GRM7: variants seen among roughly 807,000 people sequenced by gnomAD.
The protein encoded by GRM7 is metabotropic glutamate receptor 7.
In GRM7, 35 loss-of-function variants were observed where a neutral mutation model predicts 84.5. The ratio of observed to expected loss-of-function variants is 0.41; its 90% CI spans 0.32 to 0.55. The LOEUF (loss-of-function observed/expected upper bound fraction) is 0.55, where lower values mean the gene tolerates loss of function less well. GRM7 is among the 20% of genes least tolerant of loss of function. The pLI is 0.19. For missense variants in GRM7, 1,003 were observed against 1,194.6 expected (o/e 0.84, Z 2.36); for synonymous variants, 487 against 455.1 (o/e 1.07, Z -0.89).
intron 8 of GRM7, among the ~76,000 whole-genome samples, chr3:7,641,729 T>A (rs1174862930): frequency 6.6e-6 from 1 of 152,124 alleles, no homozygotes; most frequent in African/African-American, 2.4e-5. Flanking sequence ...TGTGACTACA[T>A]AACAACATGA....
chr3:7,250,712 C>T (rs546092855), intron 2 of GRM7, among the ~76,000 whole-genome samples: 7 of 152,096 alleles, frequency 4.6e-5, no homozygotes, highest in Middle Eastern at 3.4e-3. Context: ...TTAGTAGAGA[C>T]GGGGCTTTGC....
chr3:7,400,442 C>T (rs1467976439), intron 4 of GRM7, among the ~76,000 whole-genome samples: 1 of 152,164 alleles, frequency 6.6e-6, no homozygotes, highest in Non-Finnish European at 1.5e-5. Context: ...ATACGGCAGA[C>T]CCTCTACAAT....
At chr3:6,970,072 G>T (rs995892397) in intron 1 of GRM7, among the ~76,000 whole-genome samples, 1 of 152,140 alleles carries the variant, frequency 6.6e-6, no homozygotes, top group Non-Finnish European at 1.5e-5. Flanking sequence ...GGGCCAGAGG[G>T]TACATCTTTT....
At chr3:7,328,637 A>T (rs1437323164) in intron 4 of GRM7, among the ~76,000 whole-genome samples, 1 of 152,194 alleles carries the variant, frequency 6.6e-6, no homozygotes, top group Non-Finnish European at 1.5e-5. Flanking sequence ...CCTCAGTGCC[A>T]GCCCTAGACT....
intron 2 of GRM7, among the ~76,000 whole-genome samples, chr3:7,268,875 T>A (rs1698744636): frequency 1.3e-5 from 2 of 152,226 alleles, no homozygotes; most frequent in African/African-American, 4.8e-5. Context: ...TGGTTTGATT[T>A]GGTGGACCGA....
intron 2 of GRM7, among the ~76,000 whole-genome samples, chr3:7,223,100 T>C (rs1356482041): frequency 6.6e-6 from 1 of 152,158 alleles, no homozygotes; most frequent in African/African-American, 2.4e-5. Flanking sequence ...TTGACTAACT[T>C]ATATATAGGT....
intron 4 of GRM7, among the ~76,000 whole-genome samples, chr3:7,348,140 C>T (rs774673615): frequency 5.9e-5 from 9 of 152,108 alleles, no homozygotes; most frequent in African/African-American, 7.2e-5. Context: ...TGACTTTTAT[C>T]GGCCTAGGTC....
At chr3:7,520,837 C>T (rs1700567700) in intron 7 of GRM7, among the ~76,000 whole-genome samples, 1 of 152,178 alleles carries the variant, frequency 6.6e-6, no homozygotes, top group African/African-American at 2.4e-5. Flanking sequence ...TCTGTCAGCT[C>T]ATACATAGTA....
At chr3:7,490,365 G>T (rs1226179824) in intron 7 of GRM7, among the ~76,000 whole-genome samples, 2 of 152,056 alleles carry the variant, frequency 1.3e-5, no homozygotes, top group Non-Finnish European at 2.9e-5. Flanking sequence ...AACTGAAGAG[G>T]CACACATTAT....
intron 7 of GRM7, among the ~76,000 whole-genome samples, chr3:7,573,236 T>C (rs1694797675): frequency 1.3e-5 from 2 of 150,212 alleles, no homozygotes; most frequent in South Asian, 4.3e-4. Context: ...AAATGTATTT[T>C]AATGAACAAA....
In GRM7 at chr3:6,861,649, C is replaced by G; in HGVS notation, c.261C>G (p.Asp87Glu). The G allele has an allele frequency of 1.2e-6, 2 of 1,613,892 alleles. No homozygotes were observed. The highest frequency in any genetic ancestry group is 8.5e-7 in the Non-Finnish European group (1 of 1,179,958). Residue 87 changes from aspartate (D) to glutamate (E), a missense_variant, in exon 1 of 10, where the codon GAC becomes GAG. This residue lies in a region of GRM7 where 910 missense variants were observed against 1,126.0 expected (regional missense o/e 0.81). Coordinates refer to ENST00000357716, the MANE Select transcript of GRM7 (RefSeq NM_000844.4). This position sits in a 1 kb window ranked among gnomAD's most constrained non-coding sequence, Gnocchi z 6.4. ...TGGAAGCGATGCTCTACGCCCTGGA[C>G]CAGATCAACAGTGATCCCAACCTAC... The part of the protein sequence containing the change: ...HRLEAMLYAL[D>E]QINSDPNLLP...
intron 6 of GRM7, among the ~76,000 whole-genome samples, chr3:7,454,090 A>ACACACACTCTCTCT (rs1365192243): frequency 1.4e-5 from 2 of 140,208 alleles, no homozygotes; most frequent in African/African-American, 5.6e-5. Context: ...CTACACACAC[A>ACACACACTCTCTCT]CTCTCTCTCT....
chr3:6,944,348 C>T (rs1054496601), intron 1 of GRM7, among the ~76,000 whole-genome samples: 4 of 151,962 alleles, frequency 2.6e-5, no homozygotes, highest in Non-Finnish European at 5.9e-5. Flanking sequence ...TGAGGAAGTT[C>T]CCCTTTTCTC....
At chr3:7,710,558 T>C (rs1393232122) in intron 9 of GRM7, among the ~76,000 whole-genome samples, 3 of 152,082 alleles carry the variant, frequency 2.0e-5, no homozygotes, top group African/African-American at 7.2e-5. Context: ...AATCTGAGGC[T>C]CCACTGAGTA....
chr3:7,659,971 A>G (rs2125122154), intron 8 of GRM7, among the ~76,000 whole-genome samples: 1 of 152,344 alleles, frequency 6.6e-6, no homozygotes, highest in South Asian at 2.1e-4. Flanking sequence ...TTAGGGAAGT[A>G]GTAGCATCTG....
chr3:7,460,668 A>ATC (rs1559338546), intron 6 of GRM7, among the ~76,000 whole-genome samples: 1 of 152,200 alleles, frequency 6.6e-6, no homozygotes. Flanking sequence ...TCATGAAATA[A>ATC]ACAGAACTCA....
At chr3:7,314,644 G>C (rs1700520359) in intron 4 of GRM7, among the ~76,000 whole-genome samples, 1 of 151,908 alleles carries the variant, frequency 6.6e-6, no homozygotes, top group African/African-American at 2.4e-5. Flanking sequence ...TTTTTATTTT[G>C]GTCATGTCTT....
intron 2 of GRM7, among the ~76,000 whole-genome samples, chr3:7,153,556 C>T (rs2125072168): frequency 6.6e-6 from 1 of 152,014 alleles, no homozygotes; most frequent in East Asian, 1.9e-4. Flanking sequence ...GTTAATGATA[C>T]AAGTGGTTAT....
intron 9 of GRM7, among the ~76,000 whole-genome samples, chr3:7,701,178 C>A (rs1239145710): frequency 1.3e-5 from 2 of 152,116 alleles, no homozygotes; most frequent in Admixed American, 1.3e-4. Flanking sequence ...ATACAGGGGA[C>A]CTTGTTGGCA....
Sources: gnomAD v4.1 joint callset for allele counts (sites outside exome capture counted in the v4.1 genomes callset) on GRCh38, gnomAD v4.1.1 for gene constraint, gnomAD v4.1.1 regional missense constraint, Gnocchi (gnomAD v3.1) non-coding constraint, MANE v1.5 for transcripts, NCBI Gene and HGNC (gene_info 2026-07-23, HGNC 2026-07-21) for gene names.